PDGFC: variants seen among roughly 807,000 people sequenced by gnomAD.
The protein encoded by PDGFC is platelet derived growth factor C, also known as platelet-derived growth factor C.
Under a neutral mutation model 35.5 loss-of-function variants are expected in PDGFC, and 12 were observed. The ratio of observed to expected loss-of-function variants is 0.34; its 90% CI spans 0.22 to 0.55. The LOEUF is 0.55. PDGFC is among the 20% of genes least tolerant of loss of function. The pLI, the probability that PDGFC is intolerant of heterozygous loss-of-function variation, is 0.91. For missense variants in PDGFC, 322 were observed against 412.4 expected (o/e 0.78, Z 1.90); for synonymous variants, 159 against 148.8 (o/e 1.07, Z -0.50).
At chr4:156,927,911 G>T (rs1279905125) in intron 1 of PDGFC, among the ~76,000 whole-genome samples, 1 of 152,078 alleles carries the variant, frequency 6.6e-6, no homozygotes, top group Non-Finnish European at 1.5e-5. Flanking sequence ...ACATACTCAA[G>T]ACTGGGAAGA....
intron 1 of PDGFC, among the ~76,000 whole-genome samples, chr4:156,933,719 C>T (rs1310526899): frequency 6.6e-6 from 1 of 152,096 alleles, no homozygotes; most frequent in Non-Finnish European, 1.5e-5. Flanking sequence ...TGGGAGGTGA[C>T]TGGATCATAA....
At chr4:156,782,716 G>C (rs1038883343) in intron 3 of PDGFC, among the ~76,000 whole-genome samples, 8 of 152,142 alleles carry the variant, frequency 5.3e-5, no homozygotes, top group African/African-American at 9.7e-5. Context: ...ACGATCACCA[G>C]GGGCAACAGA....
chr4:156,798,907 T>C (rs1411019426), intron 3 of PDGFC, among the ~76,000 whole-genome samples: 1 of 152,200 alleles, frequency 6.6e-6, no homozygotes, highest in African/African-American at 2.4e-5. Flanking sequence ...TTAGCAATGC[T>C]ACACAAATTT....
chr4:156,813,923 C>T (rs1029534479), intron 2 of PDGFC, among the ~76,000 whole-genome samples: 5 of 152,050 alleles, frequency 3.3e-5, no homozygotes, highest in Non-Finnish European at 7.4e-5. Flanking sequence ...TCAGCTCCAG[C>T]AAAGGAGATA....
chr4:156,774,137 T>C (rs1730759670), intron 3 of PDGFC, among the ~76,000 whole-genome samples: 2 of 152,180 alleles, frequency 1.3e-5, no homozygotes, highest in African/African-American at 4.8e-5. Flanking sequence ...ATCTGGAGGA[T>C]AAAATCCAAA....
intron 1 of PDGFC, among the ~76,000 whole-genome samples, chr4:156,860,487 T>C (rs55723938): frequency 0.11 from 17,091 of 152,108 alleles, 1,156 homozygotes; most frequent in African/African-American, 0.19. Context: ...TAAATCCATC[T>C]ATCCCTCTAA....
At chr4:156,843,414 T>C (rs1173563020) in intron 2 of PDGFC, among the ~76,000 whole-genome samples, 1 of 152,212 alleles carries the variant, frequency 6.6e-6, no homozygotes. Context: ...GTAACCACCA[T>C]GCATGTGCTC....
At chr4:156,935,291 T>C (rs1406000492) in intron 1 of PDGFC, among the ~76,000 whole-genome samples, 1 of 152,212 alleles carries the variant, frequency 6.6e-6, no homozygotes, top group African/African-American at 2.4e-5. Context: ...CCACCATGTC[T>C]GACTTACAGT....
At chr4:156,840,821 C>G (rs1729184435) in intron 2 of PDGFC, among the ~76,000 whole-genome samples, 1 of 152,164 alleles carries the variant, frequency 6.6e-6, no homozygotes, top group Non-Finnish European at 1.5e-5. Context: ...CAAAGGGGTT[C>G]ATTTTGGAAC....
chr4:156,947,755 A>G (rs954715905), intron 1 of PDGFC, among the ~76,000 whole-genome samples: 1 of 152,014 alleles, frequency 6.6e-6, no homozygotes, highest in Non-Finnish European at 1.5e-5. Flanking sequence ...TGTTTCTTCC[A>G]AAAACTAAAT....
At chr4:156,887,817 G>A (rs1008626865) in intron 1 of PDGFC, among the ~76,000 whole-genome samples, 3 of 151,638 alleles carry the variant, frequency 2.0e-5, no homozygotes, top group Non-Finnish European at 4.4e-5. Flanking sequence ...AGTGCAACAT[G>A]GCGAAAATCT....
At chr4:156,862,894 C>T (rs1356039775) in intron 1 of PDGFC, among the ~76,000 whole-genome samples, 1 of 151,958 alleles carries the variant, frequency 6.6e-6, no homozygotes, top group Non-Finnish European at 1.5e-5. Flanking sequence ...GGGGTATCAC[C>T]ATCTTGGCCA....
At chr4:156,854,173 AT>A (rs1412431783) in intron 1 of PDGFC, among the ~76,000 whole-genome samples, 1 of 152,196 alleles carries the variant, frequency 6.6e-6, no homozygotes, top group East Asian at 1.9e-4. Context: ...TCAATGAATT[AT>A]TTTTTCCCAT....
intron 1 of PDGFC, among the ~76,000 whole-genome samples, chr4:156,892,178 A>G (rs1730530608): frequency 6.6e-6 from 1 of 152,218 alleles, no homozygotes; most frequent in South Asian, 2.1e-4. Flanking sequence ...CCTACCTCAT[A>G]AAACAAATAA....
At chr4:156,817,425 G>A (rs1309250756) in intron 2 of PDGFC, among the ~76,000 whole-genome samples, 1 of 152,126 alleles carries the variant, frequency 6.6e-6, no homozygotes, top group Admixed American at 6.5e-5. Flanking sequence ...TATATTTTAT[G>A]TAACTTTATG....
chr4:156,889,806 G>A (rs1031159296), intron 1 of PDGFC, among the ~76,000 whole-genome samples: 1 of 152,118 alleles, frequency 6.6e-6, no homozygotes, highest in South Asian at 2.1e-4. Flanking sequence ...TTTCCTCCAT[G>A]AATGGAATCT....
Position 156,915,957 on chromosome 4 carries a change from T to C in PDGFC, c.118+54829A>G, listed in dbSNP as rs115961747. Among the ~76,000 whole-genome samples, 1,274 of 152,070 alleles carry C rather than the reference T, an allele frequency of 8.4e-3. 14 individuals are homozygous for C. Among genetic ancestry groups the C allele is most frequent in the African/African-American group, 0.028 (1,176 of 41,500 alleles). On this transcript the variant is annotated intron_variant, in intron 1 of 5. Coordinates refer to ENST00000502773, the MANE Select transcript of PDGFC (RefSeq NM_016205.3). Reference sequence around the variant, plus strand: ...TGGGATTAGCAGGATATGTAGAAAATGAATTCCAAGTTTCTCTGTGATAGC... The same window carrying C: ...TGGGATTAGCAGGATATGTAGAAAACGAATTCCAAGTTTCTCTGTGATAGC...
intron 1 of PDGFC, among the ~76,000 whole-genome samples, chr4:156,851,625 G>C (rs1452166541): frequency 1.3e-5 from 2 of 151,932 alleles, no homozygotes; most frequent in African/African-American, 4.8e-5. Flanking sequence ...TAAGAACTAG[G>C]CTAGTTATAG....
intron 1 of PDGFC, among the ~76,000 whole-genome samples, chr4:156,854,696 CA>C (rs927780228): frequency 1.3e-5 from 2 of 152,056 alleles, no homozygotes; most frequent in East Asian, 1.9e-4. Flanking sequence ...TTTTAACAGT[CA>C]TTTTTTTGAA....
Sources: gnomAD v4.1 joint callset for allele counts (sites outside exome capture counted in the v4.1 genomes callset) on GRCh38, gnomAD v4.1.1 for gene constraint, MANE v1.5 for transcripts, NCBI Gene and HGNC (gene_info 2026-07-23, HGNC 2026-07-21) for gene names.